Variants in STON1 observed in about 807,000 individuals in gnomAD.
STON1 encodes the protein stonin 1, also known as stonin-1.
Under a neutral mutation model 60.9 loss-of-function variants are expected in STON1, and 79 were observed. The observed-to-expected ratio is 1.30, with a 90% CI of 1.08 to 1.56. The LOEUF (loss-of-function observed/expected upper bound fraction) is 1.56. STON1 is among the 40% of genes most tolerant of loss of function. The pLI is 0.00. For missense variants in STON1, 1,166 were observed against 858.9 expected (o/e 1.36, Z -4.47); for synonymous variants, 363 against 306.9 (o/e 1.18, Z -1.91).
At chr2:48,533,236 G>C (rs538437576) in intron 1 of STON1, among the ~76,000 whole-genome samples, 18 of 151,882 alleles carry the variant, frequency 1.2e-4, no homozygotes, top group Non-Finnish European at 2.6e-4. Flanking sequence ...ACAAAAATTA[G>C]GTGGGCATGG....
chr2:48,591,508 A>T, intron 2 of STON1, 145 bp from the exon 3 acceptor site: 1 of 1,153,122 alleles, frequency 8.7e-7, no homozygotes, highest in Non-Finnish European at 1.2e-6. Context: ...GTAGATTTTC[A>T]TGGTATGTTG....
chr2:48,586,083 T>A (rs990714163), intron 2 of STON1, among the ~76,000 whole-genome samples: 5 of 152,234 alleles, frequency 3.3e-5, no homozygotes, highest in Non-Finnish European at 5.9e-5. Flanking sequence ...GGCTAAAGCC[T>A]GGCCAGGGTA....
At chr2:48,578,045 A>C (rs752624910) in intron 1 of STON1, among the ~76,000 whole-genome samples, 7 of 152,190 alleles carry the variant, frequency 4.6e-5, no homozygotes, top group Non-Finnish European at 1.0e-4. Context: ...CAGTGACACA[A>C]CCTTGGCTTA....
chr2:48,533,399 A>T (rs1325780496), intron 1 of STON1, among the ~76,000 whole-genome samples: 1 of 151,944 alleles, frequency 6.6e-6, no homozygotes, highest in East Asian at 1.9e-4. Flanking sequence ...AAGAAAAAAA[A>T]AGATGTAGGC....
intron 1 of STON1, among the ~76,000 whole-genome samples, chr2:48,563,117 C>G (rs1486725181): frequency 6.6e-6 from 1 of 152,196 alleles, no homozygotes; most frequent in East Asian, 1.9e-4. Context: ...CCCCATGGCC[C>G]TAGGCAGAGT....
chr2:48,577,877 AAG>A (rs1673609350), intron 1 of STON1, among the ~76,000 whole-genome samples: 1 of 151,884 alleles, frequency 6.6e-6, no homozygotes, highest in African/African-American at 2.4e-5. Flanking sequence ...CGGCCTCCCA[AAG>A]TGCTGGGATT....
intron 1 of STON1, among the ~76,000 whole-genome samples, chr2:48,554,722 TTTTATTTA>T (rs1271323123): frequency 4.0e-5 from 4 of 99,452 alleles, no homozygotes; most frequent in Admixed American, 1.1e-4. Flanking sequence ...TTTTTTTTTT[TTTTATTTA>T]TTTATTTATT....
intron 1 of STON1, among the ~76,000 whole-genome samples, chr2:48,552,608 CA>C (rs973568564): frequency 2.9e-4 from 42 of 145,238 alleles, no homozygotes; most frequent in Admixed American, 4.8e-4. Flanking sequence ...ACTAAAAATA[CA>C]AAAAAAAAAA....
At chr2:48,566,588 C>G (rs774579987) in intron 1 of STON1, among the ~76,000 whole-genome samples, 1 of 152,148 alleles carries the variant, frequency 6.6e-6, no homozygotes, top group African/African-American at 2.4e-5. Flanking sequence ...CGACCTGTGA[C>G]TGGGCATTTT....
chr2:48,562,492 C>T (rs1304277457), intron 1 of STON1, among the ~76,000 whole-genome samples: 1 of 152,190 alleles, frequency 6.6e-6, no homozygotes, highest in African/African-American at 2.4e-5. Flanking sequence ...CAGAATTTTG[C>T]TAACGTTAAT....
At chr2:48,537,859 A>G (rs1671491736) in intron 1 of STON1, among the ~76,000 whole-genome samples, 1 of 151,966 alleles carries the variant, frequency 6.6e-6, no homozygotes, top group African/African-American at 2.4e-5. Context: ...CAAAAAAAAA[A>G]AAAGAAAAAA....
chr2:48,576,927 G>A (rs1043402853), intron 1 of STON1, among the ~76,000 whole-genome samples: 6 of 151,484 alleles, frequency 4.0e-5, no homozygotes, highest in South Asian at 2.1e-4. Flanking sequence ...GGTGGCGGGC[G>A]CCTGTAGTCC....
Position 48,581,804 on chromosome 2 carries a change from A to G in STON1, c.1171A>G (p.Thr391Ala), listed in dbSNP as rs1572633163. ...GTACCATGACTTCCTTGACTTTCTGACTACTGTGGAGGAGGAGCTGATGAA... is the reference window on the plus strand; with the variant it reads ...GTACCATGACTTCCTTGACTTTCTGGCTACTGTGGAGGAGGAGCTGATGAA... ...TSYHDFLDFL[T>A]TVEEELMKLP... The change falls in exon 2 of 4, where the codon ACT (threonine) becomes GCT (alanine). Residue 391 changes from threonine to alanine, a missense_variant. Physicochemically the swap from Thr to Ala is moderately conservative, Grantham distance 58. Coordinates refer to ENST00000404752, the MANE Select transcript of STON1 (RefSeq NM_006873.4). The G allele has an allele frequency of 6.2e-7, 1 of 1,614,206 alleles. No individual in the cohort carries two copies. The highest frequency in any genetic ancestry group is 2.2e-5 in the East Asian group (1 of 44,888).
At position 48,557,596 on chromosome 2, in the gene STON1, T is replaced by G. The variant is rs1196028324; in HGVS notation, c.-47-22991T>G. Among the ~76,000 whole-genome samples the G allele has an allele frequency of 3.5e-5, 4 of 115,394 alleles. 1 individual carries two copies. In the East Asian group the frequency reaches 1.1e-3, roughly 33 times the overall value. 75.7% of individuals were successfully genotyped at this position (115,394 alleles called of 152,430 possible). A position where few individuals can be genotyped will look rare whatever the true frequency, so the allele number is the denominator to read the frequency against. On this transcript the variant is annotated intron_variant, in intron 1 of 3. Coordinates refer to ENST00000404752, the MANE Select transcript of STON1 (RefSeq NM_006873.4). ...GGCCAAGGCAGGCGGCTGGGAGGTG[T>G]AGGTTGTAGTGAGCCGAGATCACGC...
At chr2:48,578,560 TC>T (rs1673668930) in intron 1 of STON1, among the ~76,000 whole-genome samples, 1 of 132,992 alleles carries the variant, frequency 7.5e-6, no homozygotes, top group Non-Finnish European at 1.6e-5. Context: ...CTCCTCCTTC[TC>T]CTCCTCCTCC....
chr2:48,556,172 A>AC (rs1304145005), intron 1 of STON1, among the ~76,000 whole-genome samples: 14 of 16,276 alleles, frequency 8.6e-4, no homozygotes, highest in African/African-American at 3.2e-3. Flanking sequence ...CGGGGCGCTG[A>AC]CCCCCCCACC....
In STON1 at chr2:48,540,073, A is replaced by G. The variant is rs113901944; in HGVS notation, c.-48+9857A>G. Among the ~76,000 whole-genome samples the G allele has an allele frequency of 6.2e-3, 939 of 152,152 alleles. 10 individuals carry two copies. Among genetic ancestry groups the G allele is most frequent in the African/African-American group, 0.021 (887 of 41,494 alleles). On this transcript the variant is annotated intron_variant, in intron 1 of 3. Transcript: ENST00000404752. ...TCTTGCTGCGGTGGATTTCTCTATG[A>G]GCCCCTTGGCCTCAGCTTCCATACA...
Position 48,582,463 on chromosome 2 carries a change from A to G in STON1, c.1830A>G (p.Glu610=). Residue 610 remains glutamate, a synonymous_variant, in exon 2 of 4, where the codon GAA becomes GAG. Coordinates refer to ENST00000404752, the MANE Select transcript of STON1 (RefSeq NM_006873.4). ...RACLGSLQEL[E]SEPVIQVTVG... ...GTCTGGGGAGTTTACAGGAACTTGA[A>G]TCTGAACCTGTCATTCAAGTCACTG... The G allele has an allele frequency of 6.2e-7, 1 of 1,614,248 alleles. No individual in the cohort carries two copies. Among genetic ancestry groups the G allele is most frequent in the Non-Finnish European group, 8.5e-7 (1 of 1,180,042 alleles).
chr2:48,583,760 T>G (rs938342033), intron 2 of STON1, among the ~76,000 whole-genome samples: 3 of 151,056 alleles, frequency 2.0e-5, no homozygotes, highest in Admixed American at 6.6e-5. Context: ...TTTTCTTTTT[T>G]TTTTTTTTTT....
Sources: gnomAD v4.1 joint callset for allele counts (sites outside exome capture counted in the v4.1 genomes callset) on GRCh38, gnomAD v4.1.1 for gene constraint, MANE v1.5 for transcripts, NCBI Gene and HGNC (gene_info 2026-07-23, HGNC 2026-07-21) for gene names.